Variants in ZNF23 observed in about 807,000 individuals in gnomAD.
The protein encoded by ZNF23 is zinc finger protein 23, also known as kruppel-like zinc finger factor X31.
In ZNF23, 48 loss-of-function variants were observed where a neutral mutation model predicts 56.2. The observed-to-expected ratio is 0.85, with a 90% CI of 0.68 to 1.09. The LOEUF is 1.09. Ranked by LOEUF, ZNF23 falls within the 50% of genes least tolerant of loss-of-function variation. The pLI, the probability that ZNF23 is intolerant of heterozygous loss-of-function variation, is 0.00. For synonymous variants in ZNF23, 266 were observed against 283.3 expected (o/e 0.94, Z 0.61); for missense variants, 805 against 811.4 (o/e 0.99, Z 0.10).
rs748676102 is a variant in ZNF23 at position 71,448,163 on chromosome 16, C to T, written c.1991G>A (p.Cys664Tyr). ...GAAGCTAAACCTGAATGCTTTCCCA[C>T]ACACACTACACATATAGGGTTTCTT... is the stretch of plus-strand genomic sequence containing the variant. ...TWKKPYMCSV[C>Y]GKAFRFSFQL... The change falls in exon 5 of 5, where the codon TGT becomes TAT. Residue 664 changes from cysteine to tyrosine, a missense_variant. Transcript: ENST00000647773. 4 of 1,614,160 alleles carry T rather than the reference C, an allele frequency of 2.5e-6. No individual in the cohort carries two copies. Among genetic ancestry groups the T allele is most frequent in the Non-Finnish European group, 1.7e-6 (2 of 1,180,000 alleles).
chr16:71,453,250 G>A lies in ZNF23; in HGVS notation c.261C>T (p.Leu87=), dbSNP rs1202512597. 6.2e-7 allele frequency: 1 copy of A among 1,605,814 alleles called. No homozygotes were observed. The highest frequency in any genetic ancestry group is 8.5e-7 in the Non-Finnish European group (1 of 1,175,496). The change falls in exon 4 of 5, where the codon CTC becomes CTT. Residue 87 remains leucine (L), a synonymous_variant. Coordinates refer to ENST00000647773, the MANE Select transcript of ZNF23 (RefSeq NM_001381984.1). ...AATATGTACCTCCCTTACCAGTCTGGAGGCCCTGGAGGCCTGTTCCTGCAG... is the reference window on the plus strand; with the variant it reads ...AATATGTACCTCCCTTACCAGTCTGAAGGCCCTGGAGGCCTGTTCCTGCAG... ...PLAAGTGLQG[L]QTVDIQTDND... is the part of the protein sequence containing the mutation.
At position 71,462,195 on chromosome 16, in the gene ZNF23, G is replaced by C. The variant is rs2043489300; in HGVS notation, c.-33+15C>G. The C allele has an allele frequency of 6.6e-6, 1 of 152,354 alleles. No homozygotes were observed. The highest frequency in any genetic ancestry group is 1.5e-5 in the Non-Finnish European group (1 of 68,140). The allele number at this position is 152,354 out of a possible 1,614,324, so 9.4% of individuals were successfully genotyped here. A position where few individuals can be genotyped will look rare whatever the true frequency, so the allele number is the denominator to read the frequency against. ...GACAGGGCACGGCACACAGCGCCCGGAGCCCTGCACTCACCTCCGTAGCGG... is the reference window on the plus strand; with the variant it reads ...GACAGGGCACGGCACACAGCGCCCGCAGCCCTGCACTCACCTCCGTAGCGG... On this transcript the variant is annotated intron_variant, in intron 1 of 4. Transcript: ENST00000647773.
chr16:71,457,321 T>C (rs1231289249), intron 1 of ZNF23, among the ~76,000 whole-genome samples: 1 of 152,010 alleles, frequency 6.6e-6, no homozygotes, highest in Non-Finnish European at 1.5e-5. Context: ...TCCCAGCACT[T>C]TGGGAGGCCA....
chr16:71,456,375 T>C (rs1200034181), intron 2 of ZNF23, among the ~76,000 whole-genome samples: 2 of 152,146 alleles, frequency 1.3e-5, no homozygotes, highest in Non-Finnish European at 2.9e-5. Context: ...GATCAGGTCC[T>C]GCTATTCCTC....
intron 1 of ZNF23, among the ~76,000 whole-genome samples, chr16:71,458,965 C>G (rs1459324565): frequency 6.6e-6 from 1 of 152,218 alleles, no homozygotes; most frequent in African/African-American, 2.4e-5. Flanking sequence ...AGTTGAGCAA[C>G]ACTACTTTCT....
chr16:71,450,836 A>T, intron 4 of ZNF23: 1 of 267,936 alleles, frequency 3.7e-6, no homozygotes, highest in East Asian at 1.4e-4. Context: ...AGTTGTTCCT[A>T]TAGCACTCAG....
intron 1 of ZNF23, among the ~76,000 whole-genome samples, chr16:71,458,967 C>G (rs1031863830): frequency 1.3e-5 from 2 of 152,228 alleles, no homozygotes; most frequent in African/African-American, 4.8e-5. Context: ...TTGAGCAACA[C>G]TACTTTCTTC....
intron 1 of ZNF23, among the ~76,000 whole-genome samples, chr16:71,458,515 T>C (rs990549037): frequency 6.6e-6 from 1 of 152,216 alleles, no homozygotes; most frequent in African/African-American, 2.4e-5. Context: ...GCCAAATTCA[T>C]ATGTTGAAGC....
Position 71,448,777 on chromosome 16 carries a change from GC to G in ZNF23, c.1376del (p.Gly459AlafsTer24), listed in dbSNP as rs750449554. The G allele has an allele frequency of 1.9e-6, 3 of 1,613,990 alleles. No homozygotes were observed. In the Admixed American group the frequency reaches 5.0e-5, roughly 27 times the overall value. On this transcript the variant is annotated frameshift_variant, in exon 5 of 5. Coordinates refer to ENST00000647773, the MANE Select transcript of ZNF23 (RefSeq NM_001381984.1). LOFTEE classifies it high-confidence loss of function. The stretch of plus-strand genomic sequence containing the variant: ...ATTCATTACACTCATAGGGTTTCTC[GC>G]CTGTGTGAATTCTCTGGTGTTGGAT... ...KLIQHQRIHTGEKPYECNECG... is the reference protein window; with the variant it reads ...KLIQHQRIHTXEKPYECNECG...
intron 1 of ZNF23, among the ~76,000 whole-genome samples, chr16:71,457,139 T>C (rs1331504190): frequency 6.6e-6 from 1 of 152,088 alleles, no homozygotes; most frequent in Non-Finnish European, 1.5e-5. Flanking sequence ...GAAGAGTGCA[T>C]ATAAAACCTG....
intron 2 of ZNF23, 147 bp downstream of exon 2, chr16:71,456,617 C>T (rs1012753399): frequency 6.2e-5 from 53 of 848,830 alleles, no homozygotes; most frequent in Non-Finnish European, 7.1e-5. Context: ...CTGGTCTCTG[C>T]CGCCCTCCCT....
chr16:71,460,434 C>CTTCT (rs1286249593), intron 1 of ZNF23, among the ~76,000 whole-genome samples: 2 of 152,168 alleles, frequency 1.3e-5, no homozygotes, highest in Non-Finnish European at 2.9e-5. Flanking sequence ...GAAGAACTAA[C>CTTCT]TCTCACAAAA....
At chr16:71,455,014 A>G (rs1333328384) in intron 2 of ZNF23, among the ~76,000 whole-genome samples, 2 of 151,872 alleles carry the variant, frequency 1.3e-5, no homozygotes, top group African/African-American at 4.8e-5. Flanking sequence ...TCTAACAACC[A>G]TGGGGGCTCA....
Position 71,448,256 on chromosome 16 carries a change from CA to C in ZNF23, c.1897del (p.Cys633ValfsTer64), listed in dbSNP as rs2042917060. ...RSHTGEKPFR[C>X]VECGKGFSFS... Reference sequence around the variant, plus strand: ...GCTGAAGCCTTTGCCACATTCCACACATCTGAAGGGTTTCTCCCCAGTGTGG... The same window carrying C: ...GCTGAAGCCTTTGCCACATTCCACACTCTGAAGGGTTTCTCCCCAGTGTGG... On this transcript the variant is annotated frameshift_variant, in exon 5 of 5. Coordinates refer to ENST00000647773, the MANE Select transcript of ZNF23 (RefSeq NM_001381984.1). LOFTEE classifies it high-confidence loss of function. The C allele has an allele frequency of 1.9e-6, 3 of 1,614,142 alleles. No homozygotes were observed. Among genetic ancestry groups the C allele is most frequent in the Non-Finnish European group, 2.5e-6 (3 of 1,180,056 alleles).
intron 1 of ZNF23, among the ~76,000 whole-genome samples, chr16:71,460,317 A>G (rs1302851523): frequency 1.5e-5 from 2 of 135,944 alleles, no homozygotes; most frequent in East Asian, 2.1e-4. Context: ...CCAAGGGGAT[A>G]GTTTTTTTTT....
chr16:71,457,061 C>T (rs974288551), intron 1 of ZNF23, among the ~76,000 whole-genome samples: 12 of 152,080 alleles, frequency 7.9e-5, no homozygotes, highest in Admixed American at 4.6e-4. Context: ...ATACATATCA[C>T]ACACACTGAA....
chr16:71,448,195 G>C lies in ZNF23; in HGVS notation c.1959C>G (p.His653Gln). 6.2e-7 allele frequency: 1 copy of C among 1,614,216 alleles called. No individual in the cohort carries two copies. The highest frequency in any genetic ancestry group is 8.5e-7 in the Non-Finnish European group (1 of 1,180,024). The change falls in exon 5 of 5, where the codon CAC becomes CAG. Residue 653 changes from histidine to glutamine, a missense_variant. By Grantham distance (24) the His-to-Gln change is conservative. Coordinates refer to ENST00000647773, the MANE Select transcript of ZNF23 (RefSeq NM_001381984.1). The part of the protein sequence containing the change: ...SSDYIIHQTV[H>Q]TWKKPYMCSV... The stretch of plus-strand genomic sequence containing the variant: ...TACACATATAGGGTTTCTTCCAAGT[G>C]TGGACTGTCTGATGTATAATGTAGT...
At position 71,454,043 on chromosome 16, in the gene ZNF23, C is replaced by G; in HGVS notation, c.159G>C (p.Leu53=). ...GTTCCCAGGGTAGAGAGGTCTTACC[C>G]AGGGAGGCCACATTCCCATAATTCT... is the stretch of plus-strand genomic sequence containing the variant. ...MLENYGNVAS[L]GFPLLKPAVI... is the part of the protein sequence containing the mutation. The change falls in exon 3 of 5, where the codon CTG becomes CTC. Residue 53 remains leucine, a splice_region_variant and synonymous_variant. Transcript: ENST00000647773. The G allele has an allele frequency of 2.5e-6, 4 of 1,614,124 alleles. No individual in the cohort carries two copies. Among genetic ancestry groups the G allele is most frequent in the Non-Finnish European group, 3.4e-6 (4 of 1,180,010 alleles).
intron 2 of ZNF23, chr16:71,456,026 TA>T (rs1362423260): frequency 4.4e-6 from 2 of 456,424 alleles, no homozygotes; most frequent in Non-Finnish European, 8.8e-6. Flanking sequence ...TGGAGCATAG[TA>T]AGCCTCCAAA....
Sources: gnomAD v4.1 joint callset for allele counts (sites outside exome capture counted in the v4.1 genomes callset) on GRCh38, gnomAD v4.1.1 for gene constraint, MANE v1.5 for transcripts, NCBI Gene and HGNC (gene_info 2026-07-23, HGNC 2026-07-21) for gene names.